Variants in PTPRA observed in about 807,000 individuals in gnomAD.
The protein encoded by PTPRA is protein tyrosine phosphatase receptor type A.
PTPRA carries 25 observed loss-of-function variants against 104.8 expected under a neutral mutation model. The ratio of observed to expected loss-of-function variants is 0.24; its 90% CI spans 0.17 to 0.33. PTPRA has a LOEUF of 0.33. Ranked by LOEUF, PTPRA falls within the 10% of genes least tolerant of loss-of-function variation. PTPRA has a pLI of 1.00. For synonymous variants in PTPRA, 323 were observed against 368.9 expected, an observed-to-expected ratio of 0.88 and a Z score of 1.43; for missense variants, 765 against 1,015.3, an observed-to-expected ratio of 0.75 and a Z score of 3.35.
At chr20:2,988,805 A>G (rs2063017535) in intron 9 of PTPRA, among the ~76,000 whole-genome samples, 1 of 152,248 alleles carries the variant, frequency 6.6e-6, no homozygotes, top group Non-Finnish European at 1.5e-5. Context: ...TCCAATCCCT[A>G]TTCTCAAGGA....
In PTPRA at chr20:2,990,260, G is replaced by A. The variant is rs570269952; in HGVS notation, c.738+1786G>A. Among the ~76,000 whole-genome samples, 4 of 152,300 alleles carry A rather than the reference G, an allele frequency of 2.6e-5. No homozygotes were observed. In the South Asian group the frequency reaches 6.2e-4, roughly 24 times the overall value. On this transcript the variant is annotated intron_variant, in intron 9 of 23. Transcript: ENST00000399903. ...AGTTTCCTTCACAACTTTCCACTAA[G>A]CCATGTGTCAGCTTTGCCTTATAGG... is the stretch of plus-strand genomic sequence containing the variant.
chr20:2,969,576 C>T (rs1398402842), intron 5 of PTPRA, among the ~76,000 whole-genome samples: 5 of 147,336 alleles, frequency 3.4e-5, no homozygotes, highest in East Asian at 2.1e-4. Context: ...ATAAATAGGC[C>T]GGGCGCGGCG....
chr20:2,895,566 G>T (rs2058966249), intron 1 of PTPRA, among the ~76,000 whole-genome samples: 1 of 151,902 alleles, frequency 6.6e-6, no homozygotes, highest in Non-Finnish European at 1.5e-5. Flanking sequence ...ACCCAGGCTG[G>T]AGTGCAATGG....
intron 11 of PTPRA, among the ~76,000 whole-genome samples, chr20:3,010,139 C>T (rs1007326721): frequency 5.3e-5 from 8 of 151,716 alleles, no homozygotes; most frequent in Non-Finnish European, 1.0e-4. Context: ...CGTGAGCCAC[C>T]GTGCCCAGCT....
intron 14 of PTPRA, 58 bp from the exon 15 acceptor site, chr20:3,021,996 C>T: frequency 1.3e-6 from 2 of 1,598,114 alleles, no homozygotes; most frequent in Non-Finnish European, 8.6e-7. Context: ...CTTCCCTCCC[C>T]TGGTACTGCC....
chr20:2,928,833 T>C (rs2060402892), intron 2 of PTPRA, among the ~76,000 whole-genome samples: 1 of 148,672 alleles, frequency 6.7e-6, no homozygotes, highest in African/African-American at 2.4e-5. Context: ...TTTCTCTCTT[T>C]TTTTTTTTTT....
At chr20:3,024,421 T>G (rs2065034982) in intron 16 of PTPRA, 51 bp from the exon 17 acceptor site, 522 of 1,548,600 alleles carry the variant, frequency 3.4e-4, no homozygotes, top group Non-Finnish European at 4.2e-4. Flanking sequence ...TGATCTGGCA[T>G]GAGAACTATG....
intron 14 of PTPRA, among the ~76,000 whole-genome samples, chr20:3,021,817 A>T (rs963966356): frequency 4.6e-5 from 7 of 152,192 alleles, no homozygotes; most frequent in Non-Finnish European, 1.0e-4. Context: ...AGCAAAGGTC[A>T]CCTTCAGCCA....
chr20:3,032,494 G>A (rs140152555), intron 20 of PTPRA, among the ~76,000 whole-genome samples: 3,980 of 152,120 alleles, frequency 0.026, 82 homozygotes, highest in Non-Finnish European at 0.039. Context: ...TCGGCCGGGC[G>A]CGGTGGCTCA....
chr20:2,929,113 G>T (rs2060415842), intron 2 of PTPRA, among the ~76,000 whole-genome samples: 1 of 151,898 alleles, frequency 6.6e-6, no homozygotes, highest in Non-Finnish European at 1.5e-5. Context: ...CACCACACCT[G>T]GCTAATTTTT....
rs113485850 is a variant in PTPRA, at chr20:2,986,886, G to C, written c.527+37G>C. On this transcript the variant is annotated intron_variant, in intron 7 of 23. Transcript: ENST00000399903. ...AACACTTCACATTCTCTTAGATTCTGTTTCAATATCCCAGTGTCCCAATGA... is the reference window on the plus strand; with the variant it reads ...AACACTTCACATTCTCTTAGATTCTCTTTCAATATCCCAGTGTCCCAATGA... The C allele has an allele frequency of 1.9e-5, 30 of 1,540,114 alleles. No homozygotes were observed. The African/African-American group carries it at 3.4e-4, about 18-fold the overall frequency.
At chr20:2,912,976 A>G (rs1324309658) in intron 1 of PTPRA, among the ~76,000 whole-genome samples, 3 of 152,216 alleles carry the variant, frequency 2.0e-5, no homozygotes, top group African/African-American at 4.8e-5. Flanking sequence ...TTATTTTGAA[A>G]TAAATACATG....
At chr20:2,991,062 T>C (rs994171149) in intron 9 of PTPRA, among the ~76,000 whole-genome samples, 3 of 152,120 alleles carry the variant, frequency 2.0e-5, no homozygotes, top group African/African-American at 7.2e-5. Context: ...TGATAAGATT[T>C]ACCACATCCT....
At chr20:2,931,786 C>T (rs908886489) in intron 2 of PTPRA, among the ~76,000 whole-genome samples, 1 of 151,828 alleles carries the variant, frequency 6.6e-6, no homozygotes, top group Non-Finnish European at 1.5e-5. Context: ...GGCATGAGTG[C>T]CATGGCATAA....
rs546334909 is a variant in PTPRA, at chr20:3,007,371, C to T, written c.857C>T (p.Pro286Leu). 9.3e-6 allele frequency: 15 copies of T among 1,614,038 alleles called. No individual in the cohort carries two copies. Among genetic ancestry groups the T allele is most frequent in the South Asian group, 4.4e-5 (4 of 91,074 alleles). Residue 286 changes from proline to leucine, a missense_variant, in exon 11 of 24, where the codon CCG becomes CTG. By Grantham distance (98) the Pro-to-Leu change is moderately conservative. This residue lies in a region of PTPRA where 245 missense variants were observed against 398.7 expected (regional missense o/e 0.61). Coordinates refer to ENST00000399903, the MANE Select transcript of PTPRA (RefSeq NM_001385305.1). ...GACCACTCTAGAGTCCACCTGACAC[C>T]GGTTGAAGGGGTTCCAGATTCTGAT... is the stretch of plus-strand genomic sequence containing the variant. ...PYDHSRVHLTPVEGVPDSDYI... is the reference protein window; with the variant it reads ...PYDHSRVHLTLVEGVPDSDYI...
At chr20:2,962,265 G>GT (rs11455678) in intron 3 of PTPRA, among the ~76,000 whole-genome samples, 3,585 of 152,134 alleles carry the variant, frequency 0.024, 119 homozygotes, top group African/African-American at 0.069. Context: ...AGGAGCTTTT[G>GT]TTTTTTCTGT....
At chr20:3,009,242 GATGTC>G (rs2064037357) in intron 11 of PTPRA, among the ~76,000 whole-genome samples, 2 of 151,624 alleles carry the variant, frequency 1.3e-5, no homozygotes, top group Non-Finnish European at 2.9e-5. Context: ...TGTCTAGTGG[GATGTC>G]ATTGATGGGG....
In PTPRA at chr20:2,973,730, C is replaced by T. The variant is rs556670861; in HGVS notation, c.416-1485C>T. The stretch of plus-strand genomic sequence containing the variant: ...ACTCACATTGCTTTAGCTCACATCC[C>T]GTTGGCTAGAATTCATCACATGACC... On this transcript the variant is annotated intron_variant, in intron 5 of 23. Coordinates refer to ENST00000399903, the MANE Select transcript of PTPRA (RefSeq NM_001385305.1). Among the ~76,000 whole-genome samples, 23 of 152,264 alleles carry T rather than the reference C, an allele frequency of 1.5e-4. 1 individual carries two copies. The South Asian group carries it at 3.7e-3, about 25-fold the overall frequency.
intron 1 of PTPRA, among the ~76,000 whole-genome samples, chr20:2,901,070 A>G (rs1485399271): frequency 6.6e-6 from 1 of 151,748 alleles, no homozygotes; most frequent in East Asian, 2.0e-4. Flanking sequence ...CTCCTGGTTC[A>G]AGTGATTCTC....
Sources: gnomAD v4.1 joint callset for allele counts (sites outside exome capture counted in the v4.1 genomes callset) on GRCh38, gnomAD v4.1.1 for gene constraint, gnomAD v4.1.1 regional missense constraint, MANE v1.5 for transcripts, NCBI Gene and HGNC (gene_info 2026-07-23, HGNC 2026-07-21) for gene names.